Variants in PDS5A observed in about 807,000 individuals in gnomAD.
PDS5A encodes the protein sister chromatid cohesion protein PDS5 homolog A.
In PDS5A, 42 loss-of-function variants were observed where a neutral mutation model predicts 167.1. That is an observed-to-expected ratio of 0.25 (90% CI 0.20 to 0.33). The LOEUF (loss-of-function observed/expected upper bound fraction) is 0.33. Ranked by LOEUF, PDS5A falls within the 10% of genes least tolerant of loss-of-function variation. The probability of loss-of-function intolerance (pLI) is 1.00; values close to 1 mark genes in which losing one functional copy is unlikely to be tolerated. For synonymous variants in PDS5A, 553 were observed against 554.6 expected (o/e 1.00, Z 0.04); for missense variants, 1,033 against 1,605.9 (o/e 0.64, Z 6.10).
intron 28 of PDS5A, chr4:39,847,034 A>T (rs1437041989): frequency 3.9e-5 from 6 of 152,214 alleles, no homozygotes; most frequent in Non-Finnish European, 5.9e-5. Context: ...TGAATTTATA[A>T]CACATTAAAA....
At chr4:39,859,908 C>A (rs910804003) in intron 26 of PDS5A, among the ~76,000 whole-genome samples, 13 of 152,144 alleles carry the variant, frequency 8.5e-5, no homozygotes, top group African/African-American at 3.1e-4. Context: ...TCAGTGGGGA[C>A]ACCATGTTGA....
intron 22 of PDS5A, among the ~76,000 whole-genome samples, chr4:39,867,768 A>C (rs1719660430): frequency 8.2e-6 from 1 of 121,752 alleles, no homozygotes. Context: ...ACACACACAC[A>C]CACACACCCC....
At chr4:39,953,355 A>G (rs1487432574) in intron 2 of PDS5A, among the ~76,000 whole-genome samples, 2 of 151,966 alleles carry the variant, frequency 1.3e-5, no homozygotes, top group Non-Finnish European at 2.9e-5. Flanking sequence ...GGGCAGGGGG[A>G]ACTATTTCTG....
At chr4:39,942,348 A>C (rs1434021985) in intron 2 of PDS5A, among the ~76,000 whole-genome samples, 1 of 152,184 alleles carries the variant, frequency 6.6e-6, no homozygotes, top group Non-Finnish European at 1.5e-5. Flanking sequence ...ACTTTTTTAA[A>C]TATGTGAATA....
At chr4:39,868,389 C>T (rs534298044) in intron 22 of PDS5A, among the ~76,000 whole-genome samples, 20 of 152,278 alleles carry the variant, frequency 1.3e-4, no homozygotes, top group Admixed American at 9.2e-4. Flanking sequence ...AGGGCGGTGG[C>T]GGGACCTTGG....
chr4:39,877,602 G>C (rs1261045121), intron 18 of PDS5A, among the ~76,000 whole-genome samples: 1 of 151,880 alleles, frequency 6.6e-6, no homozygotes, highest in African/African-American at 2.4e-5. Flanking sequence ...AGCTTTCTTT[G>C]ACTGGCAAAA....
intron 2 of PDS5A, among the ~76,000 whole-genome samples, chr4:39,942,066 G>C (rs34513545): frequency 0.22 from 33,642 of 152,006 alleles, 4,678 homozygotes; most frequent in Middle Eastern, 0.33. Flanking sequence ...ACCAAACACA[G>C]TGCTCCTAAA....
At chr4:39,890,465 G>C in intron 16 of PDS5A, 101 bp from the exon 17 acceptor site, 1 of 684,114 alleles carries the variant, frequency 1.5e-6, no homozygotes. Flanking sequence ...AGCATAAGTG[G>C]TTAAGAATTG....
intron 16 of PDS5A, among the ~76,000 whole-genome samples, chr4:39,894,407 C>CAA (rs11425039): frequency 6.3e-5 from 9 of 143,100 alleles, no homozygotes; most frequent in East Asian, 6.0e-4. Context: ...GACCCTATCT[C>CAA]AAAAAAAAAA....
At chr4:39,976,418 C>A (rs369964720) in intron 2 of PDS5A, 22 bp downstream of exon 2, 6 of 1,602,342 alleles carry the variant, frequency 3.7e-6, no homozygotes, top group Non-Finnish European at 5.1e-6. Context: ...CCAAAGACAT[C>A]AAAATCCGTC....
At chr4:39,896,233 C>T (rs901981672) in intron 16 of PDS5A, among the ~76,000 whole-genome samples, 4 of 149,792 alleles carry the variant, frequency 2.7e-5, no homozygotes, top group East Asian at 2.0e-4. Context: ...TTTGTAGAGG[C>T]GGGGGTTTTG....
chr4:39,885,566 G>A (rs1195507146), intron 17 of PDS5A, among the ~76,000 whole-genome samples: 1 of 152,014 alleles, frequency 6.6e-6, no homozygotes, highest in African/African-American at 2.4e-5. Context: ...TTCAGCCTGG[G>A]CGACAGAGTG....
chr4:39,897,309 C>T (rs1285516161), intron 16 of PDS5A, among the ~76,000 whole-genome samples: 5 of 152,134 alleles, frequency 3.3e-5, no homozygotes, highest in African/African-American at 9.7e-5. Flanking sequence ...GCACAAGAAT[C>T]GTCTGAACCC....
At chr4:39,963,338 A>G (rs1214000499) in intron 2 of PDS5A, among the ~76,000 whole-genome samples, 1 of 151,942 alleles carries the variant, frequency 6.6e-6, no homozygotes, top group African/African-American at 2.4e-5. Flanking sequence ...AGGCACCTAT[A>G]ATACCAGCTA....
At position 39,939,228 on chromosome 4, in the gene PDS5A, G is replaced by A. The variant is rs567360912; in HGVS notation, c.139-11064C>T. Among the ~76,000 whole-genome samples, 6 of 152,056 alleles carry A rather than the reference G, an allele frequency of 3.9e-5. No individual in the cohort carries two copies. In the East Asian group the frequency reaches 5.8e-4, roughly 15 times the overall value. ...GCCCGTAATCACACTTTGGGAGGGCGAGGCAGGAAAATCGCTTGAGCCCAA... is the reference window on the plus strand; with the variant it reads ...GCCCGTAATCACACTTTGGGAGGGCAAGGCAGGAAAATCGCTTGAGCCCAA... On this transcript the variant is annotated intron_variant, in intron 2 of 32. Transcript: ENST00000303538.
At chr4:39,958,528 C>T (rs1279185428) in intron 2 of PDS5A, among the ~76,000 whole-genome samples, 2 of 149,178 alleles carry the variant, frequency 1.3e-5, no homozygotes, top group African/African-American at 2.5e-5. Flanking sequence ...AAAAAAGGTA[C>T]GGGTAGGGAA....
chr4:39,897,954 A>T (rs1722568224), intron 16 of PDS5A: 1 of 761,536 alleles, frequency 1.3e-6, no homozygotes, highest in African/African-American at 1.9e-5. Context: ...AGTTCAAGAG[A>T]AGAATGAAGA....
chr4:39,934,250 T>G (rs1335811399), intron 2 of PDS5A, among the ~76,000 whole-genome samples: 1 of 152,182 alleles, frequency 6.6e-6, no homozygotes, highest in Non-Finnish European at 1.5e-5. Flanking sequence ...CTATACGAAG[T>G]GTTCTCGGAG....
intron 32 of PDS5A, among the ~76,000 whole-genome samples, chr4:39,831,609 G>A (rs1715878017): frequency 6.6e-6 from 1 of 151,674 alleles, no homozygotes; most frequent in Non-Finnish European, 1.5e-5. Context: ...TGGGTGCGAT[G>A]GCTCACGCCT....
Sources: gnomAD v4.1 joint callset for allele counts (sites outside exome capture counted in the v4.1 genomes callset) on GRCh38, gnomAD v4.1.1 for gene constraint, MANE v1.5 for transcripts, NCBI Gene and HGNC (gene_info 2026-07-23, HGNC 2026-07-21) for gene names.